Variants in IFNLR1 observed in about 807,000 individuals in gnomAD.
IFNLR1 encodes the protein CRF2-12.
IFNLR1 carries 28 observed loss-of-function variants against 52.5 expected under a neutral mutation model. The ratio of observed to expected loss-of-function variants is 0.53; its 90% CI spans 0.40 to 0.73. The LOEUF is 0.73. Among genes scored for constraint, IFNLR1 ranks in the 30% least tolerant of loss-of-function variants. The pLI is 0.00. For missense variants in IFNLR1, 623 were observed against 659.1 expected (o/e 0.95, Z 0.60); for synonymous variants, 276 against 274.9 (o/e 1.00, Z -0.04).
rs1185355885 is a variant in IFNLR1 at position 24,156,906 on chromosome 1, G to A, written c.*224C>T. 7 of 577,760 alleles carry A rather than the reference G, an allele frequency of 1.2e-5. No individual in the cohort carries two copies. Among genetic ancestry groups the A allele is most frequent in the Non-Finnish European group, 2.1e-5 (7 of 328,664 alleles). The allele number at this position is 577,760 out of a possible 1,614,324, so 35.8% of individuals were successfully genotyped here. A position where few individuals can be genotyped will look rare whatever the true frequency, so the allele number is the denominator to read the frequency against. ...AACCTCTGACCTCAGCCCACCCTGT[G>A]TCCACCCCTCTTATAGCTCAGCCTA... On this transcript the variant is annotated 3_prime_UTR_variant, in exon 7 of 7. Transcript: ENST00000327535.
chr1:24,168,435 C>A (rs934687022), intron 3 of IFNLR1, among the ~76,000 whole-genome samples: 3 of 148,810 alleles, frequency 2.0e-5, no homozygotes, highest in South Asian at 2.1e-4. Flanking sequence ...CGGCCCTGCC[C>A]GAGGTCAGAA....
chr1:24,167,197 C>T (rs1305266951), intron 3 of IFNLR1, among the ~76,000 whole-genome samples: 1 of 152,144 alleles, frequency 6.6e-6, no homozygotes, highest in Admixed American at 6.6e-5. Flanking sequence ...TATCAGTGGC[C>T]CCTCTGATTG....
At chr1:24,186,779 G>A (rs1644743584) in intron 1 of IFNLR1, among the ~76,000 whole-genome samples, 1 of 152,194 alleles carries the variant, frequency 6.6e-6, no homozygotes, top group Non-Finnish European at 1.5e-5. Flanking sequence ...CCCACCAGAG[G>A]CCTGGCAGGA....
intron 3 of IFNLR1, among the ~76,000 whole-genome samples, chr1:24,166,078 A>C (rs1230173076): frequency 6.6e-6 from 1 of 152,050 alleles, no homozygotes; most frequent in African/African-American, 2.4e-5. Context: ...TTATTCTTCT[A>C]ATGTCTTATT....
At chr1:24,165,129 C>A (rs1435223145) in intron 3 of IFNLR1, among the ~76,000 whole-genome samples, 1 of 152,084 alleles carries the variant, frequency 6.6e-6, no homozygotes, top group African/African-American at 2.4e-5. Context: ...GTCCTGGTTC[C>A]TTTCTGTTTA....
At chr1:24,161,740 C>T (rs969642445) in intron 3 of IFNLR1, 56 bp from the exon 4 acceptor site, 19 of 1,434,186 alleles carry the variant, frequency 1.3e-5, no homozygotes, top group Non-Finnish European at 1.7e-5. Context: ...CTGCCTCCAT[C>T]CCCCAAGACC....
chr1:24,174,702 T>C (rs1379341830), intron 2 of IFNLR1, among the ~76,000 whole-genome samples: 1 of 152,142 alleles, frequency 6.6e-6, no homozygotes, highest in Admixed American at 6.5e-5. Flanking sequence ...AGACATAAAC[T>C]TGGATGCTTA....
chr1:24,159,659 G>A lies in IFNLR1; in HGVS notation c.511-26C>T, dbSNP rs779041289. The A allele has an allele frequency of 2.5e-6, 4 of 1,611,332 alleles. No individual in the cohort carries two copies. The South Asian group carries it at 4.4e-5, about 18-fold the overall frequency. Reference sequence around the variant, plus strand: ...CTGTTTGGAAAAGAAGCAGAGAGTGGCAGAGCTGCTGTGGGGACTGGTTTC... The same window carrying A: ...CTGTTTGGAAAAGAAGCAGAGAGTGACAGAGCTGCTGTGGGGACTGGTTTC... On this transcript the variant is annotated intron_variant, in intron 4 of 6. Coordinates refer to ENST00000327535, the MANE Select transcript of IFNLR1 (RefSeq NM_170743.4).
At chr1:24,181,765 G>A (rs568683915) in intron 1 of IFNLR1, among the ~76,000 whole-genome samples, 5 of 152,286 alleles carry the variant, frequency 3.3e-5, no homozygotes, top group Non-Finnish European at 5.9e-5. Context: ...GGCTCCCAGC[G>A]CCAGAGCAAT....
At chr1:24,171,345 G>A (rs1470132753) in intron 2 of IFNLR1, among the ~76,000 whole-genome samples, 1 of 152,208 alleles carries the variant, frequency 6.6e-6, no homozygotes, top group Admixed American at 6.5e-5. Context: ...TGAACCACAT[G>A]TGAACTATTA....
rs1312091131 is a variant in IFNLR1 at position 24,157,632 on chromosome 1, T to C, written c.1061A>G (p.His354Arg). 1 of 1,607,246 alleles carries C rather than the reference T, an allele frequency of 6.2e-7. No homozygotes were observed. The highest frequency in any genetic ancestry group is 1.1e-5 in the South Asian group (1 of 89,842). ...IEPPSFLGQE[H>R]QAPGHSEAGG... ...AGCCTCCGAGTGCCCTGGAGCCTGG[T>C]GCTCTTGCCCCAGGAAAGAAGGTGG... is the stretch of plus-strand genomic sequence containing the variant. The change falls in exon 7 of 7, where the codon CAC becomes CGC. Residue 354 changes from histidine to arginine, a missense_variant. By Grantham distance (29) the His-to-Arg change is conservative (BLOSUM62 0). Coordinates refer to ENST00000327535, the MANE Select transcript of IFNLR1 (RefSeq NM_170743.4). The surrounding 1 kb of genome is among the most constrained non-coding windows in gnomAD (Gnocchi z 5.1).
intron 3 of IFNLR1, among the ~76,000 whole-genome samples, chr1:24,163,019 G>C (rs1389880509): frequency 1.5e-5 from 2 of 132,184 alleles, no homozygotes; most frequent in African/African-American, 5.8e-5. Flanking sequence ...GGAGTGCAAC[G>C]GGGCGATCTC....
At chr1:24,170,124 G>A (rs529939412) in intron 2 of IFNLR1, among the ~76,000 whole-genome samples, 1 of 152,288 alleles carries the variant, frequency 6.6e-6, no homozygotes, top group Middle Eastern at 3.4e-3. Flanking sequence ...TCCGCTATGC[G>A]AAGACGCAGC....
intron 3 of IFNLR1, among the ~76,000 whole-genome samples, chr1:24,163,470 A>T (rs914424422): frequency 6.6e-6 from 1 of 152,156 alleles, no homozygotes; most frequent in Non-Finnish European, 1.5e-5. Flanking sequence ...CGCAATACTG[A>T]CATCTAACAT....
chr1:24,158,154 C>G (rs1644402872), intron 6 of IFNLR1, among the ~76,000 whole-genome samples: 1 of 152,188 alleles, frequency 6.6e-6, no homozygotes, highest in African/African-American at 2.4e-5. Flanking sequence ...ACCTCAGAAC[C>G]ATCCCAGGAG....
At position 24,157,392 on chromosome 1, in the gene IFNLR1, G is replaced by A. The variant is rs373761620; in HGVS notation, c.1301C>T (p.Ser434Leu). 12 of 1,614,056 alleles carry A rather than the reference G, an allele frequency of 7.4e-6. No homozygotes were observed. Among genetic ancestry groups the A allele is most frequent in the East Asian group, 2.2e-5 (1 of 44,882 alleles). The change falls in exon 7 of 7, where the codon TCG becomes TTG. Residue 434 changes from serine (S) to leucine (L), a missense_variant. Coordinates refer to ENST00000327535, the MANE Select transcript of IFNLR1 (RefSeq NM_170743.4). This position sits in a 1 kb window ranked among gnomAD's most constrained non-coding sequence, Gnocchi z 5.1. ...SLPPPEFSKD[S>L]GFLEELPEDN... is the part of the protein sequence containing the mutation. ...TTCTGGGAGCTCTTCCAGGAAACCC[G>A]AGTCCTTGGAGAATTCAGGTGGTGG...
intron 3 of IFNLR1, among the ~76,000 whole-genome samples, chr1:24,162,831 T>C (rs202097710): frequency 0.1 from 3,440 of 33,496 alleles, 328 homozygotes; most frequent in Admixed American, 0.12. Context: ...TCTTTCTTTC[T>C]TTTCTTTCTT....
Position 24,169,614 on chromosome 1 carries a change from A to G in IFNLR1, c.183-13T>C, listed in dbSNP as rs376941460. 3.7e-6 allele frequency: 6 copies of G among 1,609,590 alleles called. No homozygotes were observed. The African/African-American group carries it at 8.0e-5, about 22-fold the overall frequency. On this transcript the variant is annotated splice_polypyrimidine_tract_variant and intron_variant, in intron 2 of 6. Coordinates refer to ENST00000327535, the MANE Select transcript of IFNLR1 (RefSeq NM_170743.4). ...ACGGGTGGGAGAGCTGGGGGAGGAG[A>G]GAGGAGAGCTTGGGCCATGGACTCA...
intron 2 of IFNLR1, among the ~76,000 whole-genome samples, chr1:24,170,803 A>G (rs74728953): frequency 6.6e-6 from 1 of 152,230 alleles, no homozygotes; most frequent in African/African-American, 2.4e-5. Flanking sequence ...GAACTTGCTA[A>G]CGGATTGGAT....
Sources: gnomAD v4.1 joint callset for allele counts (sites outside exome capture counted in the v4.1 genomes callset) on GRCh38, gnomAD v4.1.1 for gene constraint, Gnocchi (gnomAD v3.1) non-coding constraint, MANE v1.5 for transcripts, NCBI Gene and HGNC (gene_info 2026-07-23, HGNC 2026-07-21) for gene names.